The following SEMA6D variants were observed in gnomAD, a reference collection of about 807,000 sequenced individuals.
SEMA6D encodes the protein semaphorin-6D.
SEMA6D carries 35 observed loss-of-function variants against 106.6 expected under a neutral mutation model. That is an observed-to-expected ratio of 0.33 (90% CI 0.25 to 0.44). SEMA6D has a LOEUF of 0.44. Among genes scored for constraint, SEMA6D ranks in the 20% least tolerant of loss-of-function variants. SEMA6D has a pLI of 1.00. For missense variants in SEMA6D, 1,185 were observed against 1,345.9 expected, an observed-to-expected ratio of 0.88 and a Z score of 1.87; for synonymous variants, 499 against 487.7, an observed-to-expected ratio of 1.02 and a Z score of -0.31.
chr15:47,747,727 T>C (rs1338166081), intron 1 of SEMA6D, among the ~76,000 whole-genome samples: 1 of 152,224 alleles, frequency 6.6e-6, no homozygotes, highest in African/African-American at 2.4e-5. Flanking sequence ...TGTTCTGATA[T>C]GCTGGGTAAG....
At position 47,309,470 on chromosome 15, in the gene SEMA6D, A is replaced by G. The variant is rs562426912; in HGVS notation, c.-238-102923A>G. Among the ~76,000 whole-genome samples the G allele has an allele frequency of 2.2e-4, 34 of 152,282 alleles. No homozygotes were observed. The South Asian group carries it at 5.6e-3, about 25-fold the overall frequency. ...CTCATTTTACTTAATAATGGTCCCA[A>G]TGCACAAGAGTAGTGATACTGGAAA... On this transcript the variant is annotated intron_variant, in intron 1 of 19. Transcript: ENST00000558014.
chr15:47,505,212 G>A (rs927361585), intron 3 of SEMA6D, among the ~76,000 whole-genome samples: 4 of 152,162 alleles, frequency 2.6e-5, no homozygotes, highest in Non-Finnish European at 4.4e-5. Flanking sequence ...GTCCCAGGCA[G>A]GATGTCAGGA....
Position 47,595,808 on chromosome 15 carries a change from A to G in SEMA6D, c.-86-5057A>G, listed in dbSNP as rs370409514. 1.6e-4 allele frequency among the ~76,000 whole-genome samples: 24 copies of G among 152,140 alleles called. No individual in the cohort carries two copies. The East Asian group carries it at 3.9e-3, about 24-fold the overall frequency. ...TTTCTTGATTCAGTGTTGCTAAGTT[A>G]TATGTGTCTATGGTTTGCCCATTTC... On this transcript the variant is annotated intron_variant, in intron 3 of 19. Coordinates refer to the SEMA6D transcript ENST00000558014.
At chr15:47,206,437 C>T (rs1895070448) in intron 1 of SEMA6D, among the ~76,000 whole-genome samples, 1 of 152,168 alleles carries the variant, frequency 6.6e-6, no homozygotes. Context: ...TTAGCATTTA[C>T]AGGTTCTGAG....
intron 4 of SEMA6D, among the ~76,000 whole-genome samples, chr15:47,622,650 T>G (rs1203568181): frequency 6.6e-6 from 1 of 152,160 alleles, no homozygotes; most frequent in Non-Finnish European, 1.5e-5. Context: ...GAGAGGGGGT[T>G]GCAGGACAGG....
intron 3 of SEMA6D, among the ~76,000 whole-genome samples, chr15:47,528,353 T>A (rs1316806658): frequency 6.6e-6 from 1 of 152,160 alleles, no homozygotes; most frequent in East Asian, 1.9e-4. Context: ...AAGGGCTGAT[T>A]GTCCAATTTT....
At chr15:47,384,813 A>ATTT (rs1944848792) in intron 1 of SEMA6D, among the ~76,000 whole-genome samples, 2 of 86,468 alleles carry the variant, frequency 2.3e-5, no homozygotes, top group African/African-American at 5.6e-5. Context: ...TGATTACTAA[A>ATTT]GTTTTTTTTT....
At position 47,270,542 on chromosome 15, in the gene SEMA6D, A is replaced by G. The variant is rs971333404; in HGVS notation, c.-239+86124A>G. 2.0e-5 allele frequency among the ~76,000 whole-genome samples: 3 copies of G among 152,220 alleles called. No homozygotes were observed. The South Asian group carries it at 6.2e-4, about 32-fold the overall frequency. ...AGAAGATATCCTTGCCTTCTTCTCA[A>G]TCTTAGCGGAAAAAAATTTAATATT... On this transcript the variant is annotated intron_variant, in intron 1 of 19. Transcript: ENST00000558014.
Position 47,663,264 on chromosome 15 carries a change from A to G in SEMA6D, c.-55+62368A>G, listed in dbSNP as rs183333023. 2.1e-4 allele frequency among the ~76,000 whole-genome samples: 32 copies of G among 152,354 alleles called. 1 individual carries two copies. In the East Asian group the frequency reaches 6.2e-3, roughly 29 times the overall value. On this transcript the variant is annotated intron_variant, in intron 4 of 19. Transcript: ENST00000558014. ...GAGGAATGTTCCAAGAACATTGCTC[A>G]CTGTGAAAAAGGCTAAGTGTGTTCA...
intron 1 of SEMA6D, among the ~76,000 whole-genome samples, chr15:47,237,163 A>C (rs1042896510): frequency 3.9e-5 from 6 of 152,166 alleles, no homozygotes; most frequent in Admixed American, 1.3e-4. Flanking sequence ...GCTATACAAA[A>C]TCCTGGTCAA....
intron 1 of SEMA6D, among the ~76,000 whole-genome samples, chr15:47,244,051 A>G (rs2033072785): frequency 6.6e-6 from 1 of 152,156 alleles, no homozygotes; most frequent in Non-Finnish European, 1.5e-5. Flanking sequence ...AAAAGGTTGG[A>G]GAGTATGTGG....
chr15:47,273,423 C>T (rs2034651566), intron 1 of SEMA6D, among the ~76,000 whole-genome samples: 1 of 152,288 alleles, frequency 6.6e-6, no homozygotes, highest in Admixed American at 6.5e-5. Flanking sequence ...AATCAATAGT[C>T]TCTGCTGTCC....
At chr15:47,673,925 G>A (rs939778989) in intron 4 of SEMA6D, among the ~76,000 whole-genome samples, 7 of 152,168 alleles carry the variant, frequency 4.6e-5, no homozygotes, top group African/African-American at 1.4e-4. Context: ...GCTTTCTCAA[G>A]CTAGTATTTC....
intron 3 of SEMA6D, among the ~76,000 whole-genome samples, chr15:47,533,852 C>T (rs1041474130): frequency 3.9e-5 from 6 of 152,200 alleles, no homozygotes; most frequent in Admixed American, 6.5e-5. Context: ...GTGCAACTCA[C>T]GCTGAATGTG....
chr15:47,201,076 C>A (rs372160232), intron 1 of SEMA6D, among the ~76,000 whole-genome samples: 2 of 152,164 alleles, frequency 1.3e-5, no homozygotes, highest in East Asian at 3.9e-4. Context: ...TCTTATTCAT[C>A]GATTTAGTAG....
intron 1 of SEMA6D, among the ~76,000 whole-genome samples, chr15:47,297,451 C>T (rs2035849728): frequency 6.6e-6 from 1 of 152,066 alleles, no homozygotes; most frequent in South Asian, 2.1e-4. Context: ...CTATTTCTCC[C>T]CCCACAAAAA....
chr15:47,657,987 A>G (rs2145124764), intron 4 of SEMA6D, among the ~76,000 whole-genome samples: 1 of 150,464 alleles, frequency 6.6e-6, no homozygotes, highest in East Asian at 2.0e-4. Flanking sequence ...TGATCCGCCC[A>G]CCTCGGCCTC....
chr15:47,656,790 T>C (rs1225733709), intron 4 of SEMA6D, among the ~76,000 whole-genome samples: 1 of 152,178 alleles, frequency 6.6e-6, no homozygotes, highest in African/African-American at 2.4e-5. Context: ...TGATCAATAC[T>C]AAGCTTGCCT....
At chr15:47,529,247 A>G (rs1346006831) in intron 3 of SEMA6D, among the ~76,000 whole-genome samples, 1 of 152,040 alleles carries the variant, frequency 6.6e-6, no homozygotes, top group African/African-American at 2.4e-5. Flanking sequence ...TGAGGAGGAG[A>G]AGTAAGAGGA....
Sources: allele counts gnomAD v4.1 joint callset (sites outside exome capture counted in the v4.1 genomes callset), GRCh38; gene constraint gnomAD v4.1.1; transcripts MANE v1.5; gene names NCBI Gene and HGNC (gene_info 2026-07-23, HGNC 2026-07-21).